The following RNF4 variants were observed in gnomAD, a reference collection of about 807,000 sequenced individuals.
RNF4 encodes the protein E3 ubiquitin-protein ligase RNF4.
A neutral mutation model predicts 24.3 loss-of-function variants in RNF4; 7 were observed. The ratio of observed to expected loss-of-function variants is 0.29; its 90% CI spans 0.16 to 0.54. RNF4 has a LOEUF of 0.54. Ranked by LOEUF, RNF4 falls within the 20% of genes least tolerant of loss-of-function variation. RNF4 has a pLI of 0.95. For missense variants in RNF4, 209 were observed against 248.5 expected (o/e 0.84, Z 1.07); for synonymous variants, 83 against 84.3 (o/e 0.98, Z 0.09).
chr4:2,512,035 G>T lies in RNF4; in HGVS notation c.214+70G>T, dbSNP rs1736282923. 5 of 1,470,164 alleles carry T rather than the reference G, an allele frequency of 3.4e-6. No homozygotes were observed. Among genetic ancestry groups the T allele is most frequent in the Non-Finnish European group, 4.7e-6 (5 of 1,066,736 alleles). 91.1% of individuals were successfully genotyped at this position (1,470,164 alleles called of 1,614,324 possible). A position where few individuals can be genotyped will look rare whatever the true frequency, so the allele number is the denominator to read the frequency against. The stretch of plus-strand genomic sequence containing the variant: ...TGGCATAGGTGAGAGCCGCGGTGCT[G>T]CAGGTCTTGCCAGACCATCCCCAAG... On this transcript the variant is annotated intron_variant, in intron 5 of 7. Transcript: ENST00000314289. The surrounding 1 kb of genome is among the most constrained non-coding windows in gnomAD (Gnocchi z 4.1).
rs560063032 is a variant in RNF4, at chr4:2,513,697, T to A, written c.451T>A (p.Ser151Thr). The change falls in exon 8 of 8, where the codon TCC (serine) becomes ACC (threonine). Residue 151 changes from serine to threonine, a missense_variant. Coordinates refer to ENST00000314289, the MANE Select transcript of RNF4 (RefSeq NM_002938.5). Reference sequence around the variant, plus strand: ...CGTGCAGAATGGACGTCTCATCGTTTCCACAGAATGCGGCCATGTCTTCTG... The same window carrying A: ...CGTGCAGAATGGACGTCTCATCGTTACCACAGAATGCGGCCATGTCTTCTG... The part of the protein sequence containing the change: ...EIVQNGRLIV[S>T]TECGHVFCSQ... 1.2e-6 allele frequency: 2 copies of A among 1,613,996 alleles called. No homozygotes were observed. The highest frequency in any genetic ancestry group is 2.2e-5 in the East Asian group (1 of 44,888).
Position 2,512,598 on chromosome 4 carries a change from G to T in RNF4, c.374+1G>T. On this transcript the variant is annotated splice_donor_variant, in intron 6 of 7. Transcript: ENST00000314289. LOFTEE classifies it high-confidence loss of function. This position sits in a 1 kb window ranked among gnomAD's most constrained non-coding sequence, Gnocchi z 4.1. ...GGGATGAGGGCGCTACAGGCCTCAG[G>T]TACCAACGTGCCCCCAGCTCTGCTG... 1 of 1,613,602 alleles carries T rather than the reference G, an allele frequency of 6.2e-7. No individual in the cohort carries two copies. Among genetic ancestry groups the T allele is most frequent in the South Asian group, 1.1e-5 (1 of 91,070 alleles).
chr4:2,493,881 G>A (rs960136806), intron 2 of RNF4, among the ~76,000 whole-genome samples: 1 of 151,162 alleles, frequency 6.6e-6, no homozygotes, highest in Non-Finnish European at 1.5e-5. Flanking sequence ...TTGCTCTGTC[G>A]CCCAGGCTGG....
intron 1 of RNF4, among the ~76,000 whole-genome samples, chr4:2,478,535 C>T (rs1256607635): frequency 6.6e-6 from 1 of 152,252 alleles, no homozygotes; most frequent in South Asian, 2.1e-4. Flanking sequence ...TGGTGCCCTG[C>T]GTTCCAGCCG....
intron 1 of RNF4, among the ~76,000 whole-genome samples, chr4:2,476,613 G>A (rs374586915): frequency 1.5e-3 from 226 of 151,596 alleles, no homozygotes; most frequent in African/African-American, 4.8e-3. Context: ...AGCCTGTCTC[G>A]AACTCCTGAC....
chr4:2,486,904 C>G (rs1315024140), intron 1 of RNF4, among the ~76,000 whole-genome samples: 1 of 152,120 alleles, frequency 6.6e-6, no homozygotes, highest in Non-Finnish European at 1.5e-5. Context: ...GATGTGCACC[C>G]AAATGTAAGA....
At chr4:2,509,036 A>C (rs188696703) in intron 4 of RNF4, among the ~76,000 whole-genome samples, 540 of 147,908 alleles carry the variant, frequency 3.7e-3, no homozygotes, top group African/African-American at 0.011. Flanking sequence ...CTCCTGCCTC[A>C]GCATCCCAAG....
Position 2,514,342 on chromosome 4 carries a change from AT to A in RNF4, c.*525del. 1 of 164,508 alleles carries A rather than the reference AT, an allele frequency of 6.1e-6. No individual in the cohort carries two copies. The highest frequency in any genetic ancestry group is 1.6e-4 in the South Asian group (1 of 6,332). The allele number at this position is 164,508 out of a possible 1,614,324, so 10.2% of individuals were successfully genotyped here. A position where few individuals can be genotyped will look rare whatever the true frequency, so the allele number is the denominator to read the frequency against. ...CCTTGAGAGTCAGAGGTCACCCGTG[AT>A]TCTGCCTGCACCTTATCATTGATCT... On this transcript the variant is annotated 3_prime_UTR_variant, in exon 8 of 8. Coordinates refer to ENST00000314289, the MANE Select transcript of RNF4 (RefSeq NM_002938.5).
intron 4 of RNF4, among the ~76,000 whole-genome samples, chr4:2,510,837 G>T (rs1297095253): frequency 1.3e-5 from 2 of 152,204 alleles, no homozygotes; most frequent in South Asian, 4.1e-4. Flanking sequence ...GAGGAACCAC[G>T]TTTGAAACTG....
chr4:2,473,018 C>T (rs1215714237), intron 1 of RNF4, among the ~76,000 whole-genome samples: 2 of 150,644 alleles, frequency 1.3e-5, no homozygotes, highest in African/African-American at 4.9e-5. Context: ...CCAGCCTGGG[C>T]AACAGAGCGA....
chr4:2,513,350 CT>C (rs1736322830), intron 7 of RNF4, among the ~76,000 whole-genome samples: 1 of 152,188 alleles, frequency 6.6e-6, no homozygotes. Context: ...CCTGTATGCC[CT>C]GAGCTTCCGG....
intron 3 of RNF4, chr4:2,499,399 C>T (rs1376361258): frequency 7.7e-6 from 3 of 391,730 alleles, no homozygotes; most frequent in South Asian, 1.8e-5. Context: ...GCCTCAGCCT[C>T]CCGAGTAGCT....
chr4:2,493,111 T>TC (rs1162197389), intron 2 of RNF4, among the ~76,000 whole-genome samples: 1 of 152,070 alleles, frequency 6.6e-6, no homozygotes, highest in African/African-American at 2.4e-5. Context: ...GAGCCTGTCT[T>TC]GAGTGGTGCA....
At chr4:2,506,295 T>C (rs1034404408) in intron 4 of RNF4, 2 of 151,886 alleles carry the variant, frequency 1.3e-5, no homozygotes, top group African/African-American at 2.4e-5. Context: ...GCGATTCCCA[T>C]GTCTCAGCCT....
chr4:2,498,604 CAAT>C (rs1257364948), intron 3 of RNF4, among the ~76,000 whole-genome samples: 1 of 152,122 alleles, frequency 6.6e-6, no homozygotes, highest in African/African-American at 2.4e-5. Flanking sequence ...ATAAAGAATG[CAAT>C]AATTTTATAT....
At chr4:2,476,953 T>C (rs769405875) in intron 1 of RNF4, among the ~76,000 whole-genome samples, 18 of 151,934 alleles carry the variant, frequency 1.2e-4, no homozygotes, top group Admixed American at 1.3e-4. Context: ...AGCTCATTTT[T>C]GTATTTTTAT....
intron 1 of RNF4, among the ~76,000 whole-genome samples, chr4:2,475,773 C>G (rs549400813): frequency 7.2e-5 from 11 of 152,328 alleles, no homozygotes; most frequent in African/African-American, 2.6e-4. Flanking sequence ...TACAGAACCA[C>G]TCTATAAGAT....
chr4:2,488,811 T>TA (rs200368414), intron 1 of RNF4, among the ~76,000 whole-genome samples: 30,172 of 151,368 alleles, frequency 0.2, 3,437 homozygotes, highest in Middle Eastern at 0.32. Context: ...TTATTTTCAT[T>TA]TTTTATTTAT....
chr4:2,495,478 C>T (rs946102178), intron 2 of RNF4, among the ~76,000 whole-genome samples: 2 of 152,182 alleles, frequency 1.3e-5, no homozygotes, highest in Non-Finnish European at 2.9e-5. Context: ...TATAACAGCT[C>T]TGCAAGGCTG....
Sources: allele counts gnomAD v4.1 joint callset (sites outside exome capture counted in the v4.1 genomes callset), GRCh38; gene constraint gnomAD v4.1.1; non-coding constraint Gnocchi (gnomAD v3.1); transcripts MANE v1.5; gene names NCBI Gene and HGNC (gene_info 2026-07-23, HGNC 2026-07-21).